SUMF1: variants seen among roughly 807,000 people sequenced by gnomAD.
SUMF1 encodes the protein sulfatase modifying factor 1, also known as formylglycine-generating enzyme.
In SUMF1, 48 loss-of-function variants were observed where a neutral mutation model predicts 47.6. That is an observed-to-expected ratio of 1.01 (90% CI 0.80 to 1.28). SUMF1 has a LOEUF of 1.28. Ranked by LOEUF, SUMF1 falls within the 50% of genes most tolerant of loss-of-function variation. The probability of loss-of-function intolerance (pLI) is 0.00; values close to 1 mark genes in which losing one functional copy is unlikely to be tolerated. For synonymous variants in SUMF1, 230 were observed against 192.1 expected, an observed-to-expected ratio of 1.20 and a Z score of -1.63; for missense variants, 571 against 485.4, an observed-to-expected ratio of 1.18 and a Z score of -1.66.
At chr3:4,043,068 G>A (rs551151067) in intron 9 of SUMF1, among the ~76,000 whole-genome samples, 134 of 152,214 alleles carry the variant, frequency 8.8e-4, no homozygotes, top group African/African-American at 2.4e-3. Flanking sequence ...TTGAGCATTC[G>A]TTCCCTGGCT....
At chr3:4,454,788 A>C (rs1703098567) in intron 1 of SUMF1, among the ~76,000 whole-genome samples, 1 of 152,216 alleles carries the variant, frequency 6.6e-6, no homozygotes, top group Non-Finnish European at 1.5e-5. Context: ...TGAACCTTGA[A>C]AATACTATAT....
At chr3:4,386,064 T>C (rs1017638245) in intron 7 of SUMF1, among the ~76,000 whole-genome samples, 5 of 152,180 alleles carry the variant, frequency 3.3e-5, no homozygotes, top group African/African-American at 9.7e-5. Context: ...TTGGGTAGAT[T>C]GGTTCCTCTC....
intron 7 of SUMF1, among the ~76,000 whole-genome samples, chr3:4,383,428 C>T (rs965028160): frequency 9.9e-5 from 15 of 151,894 alleles, no homozygotes; most frequent in Non-Finnish European, 2.9e-5. Context: ...ATCTTTTCAA[C>T]AAATAAATAG....
rs985328586 is a variant in SUMF1 at position 4,070,420 on chromosome 3, C to T, written c.1015-1675G>A. Among the ~76,000 whole-genome samples, 11 of 152,140 alleles carry T rather than the reference C, an allele frequency of 7.2e-5. 1 individual carries two copies. The highest frequency in any genetic ancestry group is 2.0e-4 in the Admixed American group (3 of 15,276). On this transcript the variant is annotated intron_variant and NMD_transcript_variant, in intron 8 of 12. Coordinates refer to the SUMF1 transcript ENST00000448413. Reference sequence around the variant, plus strand: ...AGGACAGCACCGTGAGAAGCCACAACGTCTCTTTGAACCAGAAATTGCTTC... The same window carrying T: ...AGGACAGCACCGTGAGAAGCCACAATGTCTCTTTGAACCAGAAATTGCTTC...
At chr3:4,169,284 G>C (rs150510268) in intron 8 of SUMF1, among the ~76,000 whole-genome samples, 20 of 152,228 alleles carry the variant, frequency 1.3e-4, no homozygotes, top group South Asian at 4.1e-4. Flanking sequence ...CAGTATCTAT[G>C]AATCTGACTT....
intron 1 of SUMF1, among the ~76,000 whole-genome samples, chr3:4,462,336 T>G (rs2079834413): frequency 6.6e-6 from 1 of 152,168 alleles, no homozygotes; most frequent in South Asian, 2.1e-4. Context: ...CTCTTCTAGT[T>G]ATCTTATCAG....
intron 8 of SUMF1, among the ~76,000 whole-genome samples, chr3:4,204,976 G>A (rs780097651): frequency 1.3e-5 from 2 of 152,026 alleles, no homozygotes; most frequent in Non-Finnish European, 2.9e-5. Context: ...CATGAGGATT[G>A]GTCATTTGTG....
intron 8 of SUMF1, among the ~76,000 whole-genome samples, chr3:4,093,688 G>T (rs996950043): frequency 6.6e-6 from 1 of 152,128 alleles, no homozygotes; most frequent in African/African-American, 2.4e-5. Flanking sequence ...AAGGGAAAAG[G>T]CTGGACAATT....
At chr3:4,411,274 A>C (rs997410696) in intron 6 of SUMF1, among the ~76,000 whole-genome samples, 1 of 152,174 alleles carries the variant, frequency 6.6e-6, no homozygotes, top group African/African-American at 2.4e-5. Context: ...ATTTGTGTCA[A>C]ACATTGGGTG....
At chr3:4,130,844 C>T (rs956199264) in intron 8 of SUMF1, among the ~76,000 whole-genome samples, 1 of 152,102 alleles carries the variant, frequency 6.6e-6, no homozygotes, top group Admixed American at 6.5e-5. Flanking sequence ...GGGTCCAGAA[C>T]AAGAGAAGGC....
chr3:4,184,852 G>T (rs1695168406), intron 8 of SUMF1, among the ~76,000 whole-genome samples: 1 of 151,938 alleles, frequency 6.6e-6, no homozygotes, highest in African/African-American at 2.4e-5. Flanking sequence ...GTTTTGCCTT[G>T]TTGGCCAGGC....
intron 7 of SUMF1, among the ~76,000 whole-genome samples, chr3:4,379,797 G>C (rs750249532): frequency 7.1e-6 from 1 of 140,734 alleles, no homozygotes. Context: ...AGCCGAGATC[G>C]TGCCACCGCA....
intron 8 of SUMF1, among the ~76,000 whole-genome samples, chr3:4,133,816 T>A (rs967610407): frequency 6.6e-6 from 1 of 152,090 alleles, no homozygotes. Flanking sequence ...TATATGTATA[T>A]CTATTCTATT....
chr3:4,274,265 A>T (rs375953368), intron 8 of SUMF1, among the ~76,000 whole-genome samples: 2 of 152,266 alleles, frequency 1.3e-5, no homozygotes, highest in East Asian at 3.9e-4. Flanking sequence ...CCTTTTCAAG[A>T]TTGCCCTTGA....
At chr3:4,071,624 G>A (rs1311447727) in intron 8 of SUMF1, among the ~76,000 whole-genome samples, 3 of 152,286 alleles carry the variant, frequency 2.0e-5, no homozygotes, top group Non-Finnish European at 2.9e-5. Context: ...TGGGGGGAGG[G>A]GCATCCGCCA....
chr3:4,050,476 TCATGC>T (rs1293372240), intron 9 of SUMF1, among the ~76,000 whole-genome samples: 1 of 151,924 alleles, frequency 6.6e-6, no homozygotes, highest in Non-Finnish European at 1.5e-5. Context: ...GTGTAGTGGC[TCATGC>T]CTGTAATCCC....
At chr3:4,083,280 G>A (rs1692604637) in intron 8 of SUMF1, among the ~76,000 whole-genome samples, 1 of 152,122 alleles carries the variant, frequency 6.6e-6, no homozygotes, top group African/African-American at 2.4e-5. Context: ...CTTTAAACAT[G>A]ACATTTGAGT....
chr3:4,349,361 T>C (rs1355137745), intron 8 of SUMF1, among the ~76,000 whole-genome samples: 1 of 152,206 alleles, frequency 6.6e-6, no homozygotes, highest in Non-Finnish European at 1.5e-5. Context: ...TGTGGAGAAG[T>C]AGGAACGTGT....
chr3:4,097,453 T>C (rs750993577), intron 8 of SUMF1, among the ~76,000 whole-genome samples: 2 of 152,010 alleles, frequency 1.3e-5, no homozygotes, highest in Non-Finnish European at 2.9e-5. Flanking sequence ...CTTGGGAGGC[T>C]GAGGCAGGAG....
Sources: gnomAD v4.1 joint callset for allele counts (sites outside exome capture counted in the v4.1 genomes callset) on GRCh38, gnomAD v4.1.1 for gene constraint, MANE v1.5 for transcripts, NCBI Gene and HGNC (gene_info 2026-07-23, HGNC 2026-07-21) for gene names.